Variants in EYS observed in about 807,000 individuals in gnomAD.
EYS encodes the protein EGF-like photoreceptor maintenance factor.
A neutral mutation model predicts 282.1 loss-of-function variants in EYS; 250 were observed. That is an observed-to-expected ratio of 0.89 (90% CI 0.80 to 0.98). The LOEUF (loss-of-function observed/expected upper bound fraction) is 0.98. Ranked by LOEUF, EYS falls within the 50% of genes least tolerant of loss-of-function variation. The probability of loss-of-function intolerance (pLI) is 0.00; values close to 1 mark genes in which losing one functional copy is unlikely to be tolerated. For synonymous variants in EYS, 1,355 were observed against 1,282.9 expected, an observed-to-expected ratio of 1.06 and a Z score of -1.20; for missense variants, 4,016 against 3,709.0, an observed-to-expected ratio of 1.08 and a Z score of -2.15.
At chr6:64,520,357 T>A (rs1169519664) in intron 26 of EYS, among the ~76,000 whole-genome samples, 1 of 151,842 alleles carries the variant, frequency 6.6e-6, no homozygotes, top group Non-Finnish European at 1.5e-5. Context: ...TTTTCTGTCA[T>A]ATTAATTGTT....
intron 19 of EYS, among the ~76,000 whole-genome samples, chr6:64,874,390 T>C (rs1205456652): frequency 6.6e-6 from 1 of 152,134 alleles, no homozygotes; most frequent in Non-Finnish European, 1.5e-5. Flanking sequence ...GTTTTTCAAA[T>C]TGTAATGTCT....
At chr6:63,880,999 C>T (rs1270198364) in intron 35 of EYS, among the ~76,000 whole-genome samples, 1 of 151,306 alleles carries the variant, frequency 6.6e-6, no homozygotes, top group Non-Finnish European at 1.5e-5. Flanking sequence ...GCATTTATAC[C>T]TAGTTAACAC....
At chr6:63,991,843 A>C (rs1285169286) in intron 34 of EYS, among the ~76,000 whole-genome samples, 1 of 151,778 alleles carries the variant, frequency 6.6e-6, no homozygotes, top group African/African-American at 2.4e-5. Context: ...TGCACAAAAA[A>C]GGCAACTTGT....
At chr6:64,055,445 CAT>C (rs1770952166) in intron 33 of EYS, among the ~76,000 whole-genome samples, 1 of 152,032 alleles carries the variant, frequency 6.6e-6, no homozygotes, top group African/African-American at 2.4e-5. Context: ...AAAAAAGAAA[CAT>C]GTAAGATCCT....
At chr6:65,581,505 T>C (rs1374420487) in intron 2 of EYS, among the ~76,000 whole-genome samples, 1 of 152,094 alleles carries the variant, frequency 6.6e-6, no homozygotes, top group African/African-American at 2.4e-5. Flanking sequence ...GGAAACACAA[T>C]AATTGCCAAT....
intron 12 of EYS, among the ~76,000 whole-genome samples, chr6:65,101,378 TAGA>T (rs1561966278): frequency 6.6e-6 from 1 of 151,336 alleles, no homozygotes; most frequent in African/African-American, 2.4e-5. Context: ...AATTAACTTT[TAGA>T]AAAAGTATTT....
In EYS at chr6:64,538,171, T is replaced by TA. The variant is rs529514939; in HGVS notation, c.5644+52051dup. Reference sequence around the variant, plus strand: ...AGATTTTGGCTGGTGCTCATGGTAATACGGTCTAAGGGAACCAAGGTTTTA... The same window carrying TA: ...AGATTTTGGCTGGTGCTCATGGTAATAACGGTCTAAGGGAACCAAGGTTTTA... On this transcript the variant is annotated intron_variant, in intron 26 of 42. Transcript: ENST00000503581. 9.3e-3 allele frequency among the ~76,000 whole-genome samples: 1,419 copies of TA among 152,296 alleles called. 11 individuals are homozygous for TA. The highest frequency in any genetic ancestry group is 0.015 in the Non-Finnish European group (1,010 of 67,990).
chr6:64,113,694 T>C lies in EYS; in HGVS notation c.6425-31692A>G, dbSNP rs142119061. Reference sequence around the variant, plus strand: ...TTCTGAATGGAGTTAGTTTTAATTATAAACTTTACCATGGGAAGCATCTAG... The same window carrying C: ...TTCTGAATGGAGTTAGTTTTAATTACAAACTTTACCATGGGAAGCATCTAG... On this transcript the variant is annotated intron_variant, in intron 31 of 42. Coordinates refer to ENST00000503581, the MANE Select transcript of EYS (RefSeq NM_001142800.2). Among the ~76,000 whole-genome samples, 22 of 152,316 alleles carry C rather than the reference T, an allele frequency of 1.4e-4. No homozygotes were observed. In the East Asian group the frequency reaches 4.1e-3, roughly 28 times the overall value.
chr6:65,253,925 C>G (rs1767393337), intron 12 of EYS, among the ~76,000 whole-genome samples: 1 of 151,674 alleles, frequency 6.6e-6, no homozygotes, highest in South Asian at 2.1e-4. Context: ...GTATCAGACT[C>G]AATTCTTAGT....
chr6:64,754,644 GT>G (rs1395432272), intron 22 of EYS, among the ~76,000 whole-genome samples: 1 of 152,076 alleles, frequency 6.6e-6, no homozygotes, highest in African/African-American at 2.4e-5. Flanking sequence ...CCAAAATTAA[GT>G]AGGTTTCATT....
At chr6:64,601,671 A>G (rs1343653681) in intron 24 of EYS, among the ~76,000 whole-genome samples, 1 of 152,100 alleles carries the variant, frequency 6.6e-6, no homozygotes, top group Non-Finnish European at 1.5e-5. Context: ...TCTTTATGGA[A>G]GAATAGGAAT....
chr6:64,417,819 C>T (rs1299955919), intron 28 of EYS, among the ~76,000 whole-genome samples: 7 of 151,784 alleles, frequency 4.6e-5, no homozygotes, highest in Non-Finnish European at 1.0e-4. Flanking sequence ...TACAGGTGCA[C>T]ACCACCAAGC....
chr6:64,941,143 G>A (rs1299631237), intron 15 of EYS, among the ~76,000 whole-genome samples: 1 of 152,062 alleles, frequency 6.6e-6, no homozygotes, highest in East Asian at 1.9e-4. Flanking sequence ...CACTTTGGGA[G>A]GCTGAGGCGG....
At chr6:65,276,092 C>T (rs1768040035) in intron 12 of EYS, among the ~76,000 whole-genome samples, 1 of 152,102 alleles carries the variant, frequency 6.6e-6, no homozygotes, top group African/African-American at 2.4e-5. Flanking sequence ...CCATGTTTCC[C>T]ACTATTCTGA....
chr6:64,791,046 T>TCTTC (rs903186314), intron 22 of EYS, among the ~76,000 whole-genome samples: 3 of 151,892 alleles, frequency 2.0e-5, no homozygotes, highest in Admixed American at 1.3e-4. Context: ...GCTGTTTCTT[T>TCTTC]CTTCCTTCCT....
intron 22 of EYS, among the ~76,000 whole-genome samples, chr6:64,652,323 G>A (rs1003731773): frequency 2.6e-5 from 4 of 152,118 alleles, no homozygotes; most frequent in African/African-American, 9.7e-5. Flanking sequence ...TTCTCTGATG[G>A]GGCACAGAAA....
intron 31 of EYS, among the ~76,000 whole-genome samples, chr6:64,161,436 A>G (rs1407567910): frequency 6.6e-6 from 1 of 152,222 alleles, no homozygotes; most frequent in African/African-American, 2.4e-5. Context: ...ATCTCCCACA[A>G]CAAAATACAA....
intron 26 of EYS, among the ~76,000 whole-genome samples, chr6:64,486,186 G>T (rs1223839349): frequency 1.3e-5 from 2 of 151,466 alleles, no homozygotes; most frequent in African/African-American, 2.4e-5. Context: ...GACATGGAAA[G>T]TTATGCTTAA....
chr6:65,427,436 G>C (rs958390317), intron 5 of EYS, among the ~76,000 whole-genome samples: 1 of 151,796 alleles, frequency 6.6e-6, no homozygotes, highest in African/African-American at 2.4e-5. Context: ...TTGTTTCATA[G>C]TTAATATGTA....
Sources: allele counts gnomAD v4.1 joint callset (sites outside exome capture counted in the v4.1 genomes callset), GRCh38; gene constraint gnomAD v4.1.1; transcripts MANE v1.5; gene names NCBI Gene and HGNC (gene_info 2026-07-23, HGNC 2026-07-21).